NOS3: variants seen among roughly 807,000 people sequenced by gnomAD.
NOS3 encodes NOS type III.
NOS3 carries 98 observed loss-of-function variants against 144.9 expected under a neutral mutation model. The observed-to-expected ratio is 0.68, with a 90% confidence interval of 0.57 to 0.80. The LOEUF (loss-of-function observed/expected upper bound fraction) is 0.80. NOS3 is among the 30% of genes least tolerant of loss of function. The pLI is 0.00. For synonymous variants in NOS3, 714 were observed against 702.4 expected, an observed-to-expected ratio of 1.02 and a Z score of -0.26; for missense variants, 1,465 against 1,656.4, an observed-to-expected ratio of 0.88 and a Z score of 2.01.
intron 23 of NOS3, among the ~76,000 whole-genome samples, chr7:151,011,304 G>A (rs554057122): frequency 3.2e-4 from 48 of 152,006 alleles, no homozygotes; most frequent in African/African-American, 1.1e-3. Flanking sequence ...CATGGCACCT[G>A]GGAACTACAG....
Position 151,007,134 on chromosome 7 carries a change from AC to A in NOS3, c.1975del (p.His659ThrfsTer79), listed in dbSNP as rs1372170716. On this transcript the variant is annotated frameshift_variant, in exon 17 of 27. Transcript: ENST00000297494. LOFTEE classifies it high-confidence loss of function. ...FCVFGLGSRA[Y>X]PHFCAFARAV... is the part of the protein sequence containing the mutation. ...GTGTTCGGGCTCGGCTCCCGGGCATACCCCCACTTCTGCGCCTTTGCTCGTG... is the reference window on the plus strand; with the variant it reads ...GTGTTCGGGCTCGGCTCCCGGGCATACCCCACTTCTGCGCCTTTGCTCGTG... 1 of 1,613,798 alleles carries A rather than the reference AC, an allele frequency of 6.2e-7. No individual in the cohort carries two copies. Among genetic ancestry groups the A allele is most frequent in the Non-Finnish European group, 8.5e-7 (1 of 1,179,948 alleles).
chr7:151,011,685 C>T (rs1296434825), intron 23 of NOS3: 1 of 237,264 alleles, frequency 4.2e-6, no homozygotes, highest in Non-Finnish European at 8.7e-6. Context: ...ACCACCACGC[C>T]CAGCTAATTT....
chr7:150,998,443 C>A lies in NOS3; in HGVS notation c.669C>A (p.Asn223Lys), dbSNP rs753279569. The part of the protein sequence containing the change: ...NHIKYATNRG[N>K]LRSAITVFPQ... ...TCAAGTATGCCACCAACCGGGGCAA[C>A]CTTCGGTGAGTGCCCCCCACCATGC... The change falls in exon 6 of 27, where the codon AAC (asparagine) becomes AAA (lysine). Residue 223 changes from asparagine (N) to lysine (K), a missense_variant. This residue lies in a region of NOS3 where 374 missense variants were observed against 377.0 expected (regional missense o/e 0.99). Coordinates refer to ENST00000297494, the MANE Select transcript of NOS3 (RefSeq NM_000603.5). This position sits in a 1 kb window ranked among gnomAD's most constrained non-coding sequence, Gnocchi z 5.0. 19 of 1,612,182 alleles carry A rather than the reference C, an allele frequency of 1.2e-5. No homozygotes were observed. In the South Asian group the frequency reaches 1.5e-4, roughly 13 times the overall value.
Position 151,006,969 on chromosome 7 carries a change from G to GT in NOS3, c.1902dup (p.Asn635Ter), listed in dbSNP as rs1403481751. On this transcript the variant is annotated frameshift_variant, in exon 16 of 27. Coordinates refer to ENST00000297494, the MANE Select transcript of NOS3 (RefSeq NM_000603.5). LOFTEE classifies it high-confidence loss of function. ...TGGCGGCGGAAGAGGAAGGAGTCCA[G>GT]TAACACAGACAGTGCAGGGGCCCTG... 6.2e-7 allele frequency: 1 copy of GT among 1,614,154 alleles called. No homozygotes were observed. Among genetic ancestry groups the GT allele is most frequent in the Non-Finnish European group, 8.5e-7 (1 of 1,180,012 alleles).
rs3918199 is a variant in NOS3, at chr7:151,009,605, G to A, written c.2512+20G>A. ...GCCCTGGTGAGGGGCAGCCTGGGAA[G>A]CAACAGGGCACACCAGCCCCATGCC... On this transcript the variant is annotated intron_variant, in intron 20 of 26. Coordinates refer to ENST00000297494, the MANE Select transcript of NOS3 (RefSeq NM_000603.5). 1.3e-4 allele frequency: 189 copies of A among 1,506,536 alleles called. 1 individual carries two copies. In the African/African-American group the frequency reaches 2.4e-3, roughly 19 times the overall value. The allele number at this position is 1,506,536 out of a possible 1,614,324, so 93.3% of individuals were successfully genotyped here. A position where few individuals can be genotyped will look rare whatever the true frequency, so the allele number is the denominator to read the frequency against.
rs1218541495 is a variant in NOS3, at chr7:151,013,235, G to A, written c.3111G>A (p.Leu1037=). ...CAAGCGCGGGGTTGCTTGCAGGGCTGCAGCCCACTCCCATGACTTTGGTGT... is the reference window on the plus strand; with the variant it reads ...CAAGCGCGGGGTTGCTTGCAGGGCTACAGCCCACTCCCATGACTTTGGTGT... ...ERLHDIESKG[L]QPTPMTLVFG... is the part of the protein sequence containing the mutation. The change falls in exon 25 of 27, where the codon CTG becomes CTA. Residue 1037 remains leucine (L), a synonymous_variant. Transcript: ENST00000297494. The A allele has an allele frequency of 1.2e-6, 2 of 1,612,470 alleles. No individual in the cohort carries two copies. The highest frequency in any genetic ancestry group is 1.7e-6 in the Non-Finnish European group (2 of 1,179,310).
At chr7:151,000,379 C>G in intron 9 of NOS3, 119 bp from the exon 10 acceptor site, 1 of 699,386 alleles carries the variant, frequency 1.4e-6, no homozygotes, top group Non-Finnish European at 2.5e-6. Flanking sequence ...GCCAGGCCTC[C>G]CAATGGACAC....
rs1461235777 is a variant in NOS3 at position 150,995,239 on chromosome 7, G to C, written c.195G>C (p.Gly65=). ...PSSPLTQPPE[G]PKFPRVKNWE... is the part of the protein sequence containing the mutation. ...CCCCGCTAACCCAGCCCCCAGAGGG[G>C]CCCAAGTTCCCTCGTGTGAAGAACT... The change falls in exon 3 of 27, where the codon GGG becomes GGC. Residue 65 remains glycine (G), a synonymous_variant. Coordinates refer to ENST00000297494, the MANE Select transcript of NOS3 (RefSeq NM_000603.5). The C allele has an allele frequency of 6.2e-7, 1 of 1,611,320 alleles. No homozygotes were observed. The highest frequency in any genetic ancestry group is 8.5e-7 in the Non-Finnish European group (1 of 1,178,870).
intron 9 of NOS3, among the ~76,000 whole-genome samples, chr7:151,000,227 A>G (rs1294224498): frequency 6.6e-6 from 1 of 151,894 alleles, no homozygotes; most frequent in East Asian, 1.9e-4. Flanking sequence ...CAGATTCTCA[A>G]AGGGGACCTT....
chr7:151,012,974 A>T (rs943687576), intron 24 of NOS3: 16 of 517,296 alleles, frequency 3.1e-5, no homozygotes, highest in Non-Finnish European at 5.4e-5. Flanking sequence ...TGGAATTCTG[A>T]GTCCGAAGCC....
rs1467640257 is a variant in NOS3 at position 150,999,375 on chromosome 7, G to A, written c.1131+11G>A. On this transcript the variant is annotated intron_variant, in intron 9 of 26. Transcript: ENST00000297494. ...TACAACATCCTGGAGGTGAGGTGCG[G>A]GATGGGGCTCGGGCACCGAATGCAC... is the stretch of plus-strand genomic sequence containing the variant. The A allele has an allele frequency of 3.2e-6, 5 of 1,555,026 alleles. No homozygotes were observed. The highest frequency in any genetic ancestry group is 3.5e-6 in the Non-Finnish European group (4 of 1,149,222).
At position 151,014,226 on chromosome 7, in the gene NOS3, C is replaced by T. The variant is rs1375716234; in HGVS notation, c.*57C>T. The T allele has an allele frequency of 6.6e-7, 1 of 1,519,376 alleles. No individual in the cohort carries two copies. Among genetic ancestry groups the T allele is most frequent in the African/African-American group, 1.4e-5 (1 of 73,052 alleles). The allele number at this position is 1,519,376 out of a possible 1,614,324, so 94.1% of individuals were successfully genotyped here. On this transcript the variant is annotated 3_prime_UTR_variant, in exon 27 of 27. Transcript: ENST00000297494. ...AGAGCGGCTGCCCGACTCAGGTCCG[C>T]CCGACCAGGATCAGCCCCGCTCCTC...
In NOS3 at chr7:151,010,256, G is replaced by T. The variant is rs3918201; in HGVS notation, c.2654G>T (p.Arg885Met). ...RLLSTLAEEP[R>M]EQQELEALSQ... ...CTCAGCACCTTGGCAGAAGAGCCCA[G>T]GGAACAGCAGGAGCTGGAGGCCCTC... The change falls in exon 21 of 27, where the codon AGG becomes ATG. Residue 885 changes from arginine (R) to methionine (M), a missense_variant. Arg to Met is a moderately conservative substitution (Grantham distance 91). Around this residue, in one of 5 missense-constraint regions of NOS3, gnomAD observed 745 missense variants for 853.9 expected, o/e 0.87. Transcript: ENST00000297494. 3,399 of 1,613,000 alleles carry T rather than the reference G, an allele frequency of 2.1e-3. 55 individuals are homozygous for T. In the African/African-American group the frequency reaches 0.036, roughly 17 times the overall value.
At chr7:150,997,918 G>A (rs1323174452) in intron 5 of NOS3, among the ~76,000 whole-genome samples, 1 of 152,110 alleles carries the variant, frequency 6.6e-6, no homozygotes, top group Non-Finnish European at 1.5e-5. Flanking sequence ...GATGAGCAGG[G>A]TCCTAGGAGG....
At position 150,993,283 on chromosome 7, in the gene NOS3, G is replaced by A. The variant is rs1802293779; in HGVS notation, c.-51-470G>A. On this transcript the variant is annotated intron_variant, in intron 1 of 26. Coordinates refer to ENST00000297494, the MANE Select transcript of NOS3 (RefSeq NM_000603.5). The surrounding 1 kb of genome is among the most constrained non-coding windows in gnomAD (Gnocchi z 4.0). ...ATCCAGGAGTTCTTGTATGTATGGGGGGAGGTGAAGGAGAGAACCTGCATG... is the reference window on the plus strand; with the variant it reads ...ATCCAGGAGTTCTTGTATGTATGGGAGGAGGTGAAGGAGAGAACCTGCATG... Among the ~76,000 whole-genome samples, 1 of 152,190 alleles carries A rather than the reference G, an allele frequency of 6.6e-6. No individual in the cohort carries two copies. The highest frequency in any genetic ancestry group is 6.5e-5 in the Admixed American group (1 of 15,284).
In NOS3 at chr7:150,995,282, A is replaced by G; in HGVS notation, c.238A>G (p.Thr80Ala). The change falls in exon 3 of 27, where the codon ACC becomes GCC. Residue 80 changes from threonine to alanine, a missense_variant. Physicochemically the swap from Thr to Ala is moderately conservative, Grantham distance 58. Coordinates refer to ENST00000297494, the MANE Select transcript of NOS3 (RefSeq NM_000603.5). ...GAAGAACTGGGAGGTGGGGAGCATC[A>G]CCTATGACACCCTCAGCGCCCAGGC... Reference protein sequence around the residue: ...RVKNWEVGSITYDTLSAQAQQ... With the variant: ...RVKNWEVGSIAYDTLSAQAQQ... 2 of 1,611,246 alleles carry G rather than the reference A, an allele frequency of 1.2e-6. No homozygotes were observed. Among genetic ancestry groups the G allele is most frequent in the Non-Finnish European group, 1.7e-6 (2 of 1,178,892 alleles).
At chr7:151,005,540 C>T (rs1323794440) in intron 14 of NOS3, among the ~76,000 whole-genome samples, 1 of 152,154 alleles carries the variant, frequency 6.6e-6, no homozygotes, top group Non-Finnish European at 1.5e-5. Flanking sequence ...TTGCTCTAGC[C>T]GTTGTTAGCC....
rs763764642 is a variant in NOS3, at chr7:151,001,951, G to T, written c.1633G>T (p.Ala545Ser). ...GCAGCTGGGGAGACTCTTCCGGAAG[G>T]CTTTTGATCCCCGGGTAGGGCTGAG... ...AQQLGRLFRKAFDPRVLCMDE... is the reference protein window; with the variant it reads ...AQQLGRLFRKSFDPRVLCMDE... Residue 545 changes from alanine (A) to serine (S), a missense_variant, in exon 13 of 27, where the codon GCT becomes TCT. By Grantham distance (99) the Ala-to-Ser change is moderately conservative. Around this residue, in one of 5 missense-constraint regions of NOS3, gnomAD observed 745 missense variants for 853.9 expected, o/e 0.87. Coordinates refer to ENST00000297494, the MANE Select transcript of NOS3 (RefSeq NM_000603.5). The T allele has an allele frequency of 4.3e-6, 7 of 1,613,392 alleles. No homozygotes were observed. The highest frequency in any genetic ancestry group is 4.0e-5 in the African/African-American group (3 of 74,944).
chr7:151,005,019 A>T (rs1317964071), intron 14 of NOS3, among the ~76,000 whole-genome samples: 1 of 152,054 alleles, frequency 6.6e-6, no homozygotes, highest in East Asian at 1.9e-4. Context: ...CACCATGGCC[A>T]GCTAATTTTT....
Sources: allele counts gnomAD v4.1 joint callset (sites outside exome capture counted in the v4.1 genomes callset), GRCh38; gene constraint gnomAD v4.1.1; regional missense constraint gnomAD v4.1.1; non-coding constraint Gnocchi (gnomAD v3.1); transcripts MANE v1.5; gene names NCBI Gene and HGNC (gene_info 2026-07-23, HGNC 2026-07-21).